Variants in RANBP10 observed in about 807,000 individuals in gnomAD.
RANBP10 encodes the protein ran-binding protein 10.
Under a neutral mutation model 72.8 loss-of-function variants are expected in RANBP10, and 24 were observed. The ratio of observed to expected loss-of-function variants is 0.33; its 90% CI spans 0.24 to 0.46. The LOEUF is 0.46. Among genes scored for constraint, RANBP10 ranks in the 20% least tolerant of loss-of-function variants. The pLI, the probability that RANBP10 is intolerant of heterozygous loss-of-function variation, is 1.00. For missense variants in RANBP10, 679 were observed against 817.5 expected (o/e 0.83, Z 2.07); for synonymous variants, 310 against 322.3 (o/e 0.96, Z 0.41).
chr16:67,782,385 C>T (rs921628051), intron 2 of RANBP10, among the ~76,000 whole-genome samples: 1 of 152,068 alleles, frequency 6.6e-6, no homozygotes, highest in African/African-American at 2.4e-5. Flanking sequence ...CCTTGGCCTC[C>T]CAAAATGCTT....
At chr16:67,735,080 G>C (rs1222314221) in intron 5 of RANBP10, 38 bp from the exon 6 acceptor site, 1 of 1,536,818 alleles carries the variant, frequency 6.5e-7, no homozygotes, top group African/African-American at 1.4e-5. Flanking sequence ...GGCCCTGAGG[G>C]CAGTGGGGTT....
intron 4 of RANBP10, among the ~76,000 whole-genome samples, chr16:67,742,038 A>G (rs2053979426): frequency 6.6e-6 from 1 of 152,058 alleles, no homozygotes; most frequent in African/African-American, 2.4e-5. Flanking sequence ...ATGTGGAAAA[A>G]ATGGAAAAAT....
At position 67,728,446 on chromosome 16, in the gene RANBP10, C is replaced by G. The variant is rs753021520; in HGVS notation, c.1418G>C (p.Arg473Pro). Residue 473 changes from arginine to proline, a missense_variant, in exon 11 of 14, where the codon CGC (arginine) becomes CCC (proline). Physicochemically the swap from Arg to Pro is moderately radical, Grantham distance 103. Transcript: ENST00000317506. ...PNGVLGSMSTRIVNGAYKHED... is the reference protein window; with the variant it reads ...PNGVLGSMSTPIVNGAYKHED... ...ATGCTTGTAGGCACCATTAACAATGCGTGTGGACATGCTTCCTAGCACACC... is the reference window on the plus strand; with the variant it reads ...ATGCTTGTAGGCACCATTAACAATGGGTGTGGACATGCTTCCTAGCACACC... 6.2e-7 allele frequency: 1 copy of G among 1,614,184 alleles called. No homozygotes were observed.
At chr16:67,747,889 C>T (rs1191412824) in intron 3 of RANBP10, among the ~76,000 whole-genome samples, 3 of 148,220 alleles carry the variant, frequency 2.0e-5, no homozygotes, top group Non-Finnish European at 4.4e-5. Context: ...TGCATGATCT[C>T]GGCTCACGGC....
intron 3 of RANBP10, among the ~76,000 whole-genome samples, chr16:67,752,873 A>T (rs1383793607): frequency 6.6e-6 from 1 of 152,174 alleles, no homozygotes; most frequent in Non-Finnish European, 1.5e-5. Flanking sequence ...TGTGAAAGGA[A>T]TAAAGACAGG....
At chr16:67,751,058 G>A (rs1050074979) in intron 3 of RANBP10, among the ~76,000 whole-genome samples, 2 of 152,136 alleles carry the variant, frequency 1.3e-5, no homozygotes, top group African/African-American at 2.4e-5. Context: ...GAGCCACCAC[G>A]CCCAGCCCCT....
At chr16:67,784,597 G>A (rs567600314) in intron 2 of RANBP10, among the ~76,000 whole-genome samples, 235 of 152,084 alleles carry the variant, frequency 1.5e-3, no homozygotes, top group Non-Finnish European at 2.5e-3. Context: ...TGAAGGTTGC[G>A]GTGAGCCAAG....
intron 13 of RANBP10, among the ~76,000 whole-genome samples, chr16:67,726,980 C>T (rs2053614115): frequency 6.6e-6 from 1 of 152,174 alleles, no homozygotes; most frequent in African/African-American, 2.4e-5. Flanking sequence ...TAGCTATGGG[C>T]TAGCTTCTGT....
intron 2 of RANBP10, among the ~76,000 whole-genome samples, chr16:67,777,879 C>T (rs565335078): frequency 1.2e-4 from 19 of 152,298 alleles, no homozygotes; most frequent in African/African-American, 4.6e-4. Context: ...AATAATAAAT[C>T]AGTTTAAGAC....
At chr16:67,781,463 C>T (rs2054808122) in intron 2 of RANBP10, among the ~76,000 whole-genome samples, 1 of 152,190 alleles carries the variant, frequency 6.6e-6, no homozygotes, top group African/African-American at 2.4e-5. Context: ...GCTCCCAACA[C>T]TTCTCTACCA....
intron 3 of RANBP10, among the ~76,000 whole-genome samples, chr16:67,751,320 T>C (rs1031917034): frequency 6.6e-6 from 1 of 152,198 alleles, no homozygotes; most frequent in Non-Finnish European, 1.5e-5. Context: ...AAATAAACTA[T>C]ATAACTATTT....
chr16:67,767,441 C>T (rs1206601183), intron 3 of RANBP10, among the ~76,000 whole-genome samples: 1 of 128,606 alleles, frequency 7.8e-6, no homozygotes, highest in Non-Finnish European at 1.5e-5. Flanking sequence ...TGGGCAACAG[C>T]GAGACCCTGT....
intron 7 of RANBP10, 116 bp downstream of exon 7, chr16:67,731,356 G>C (rs372414991): frequency 2.5e-6 from 2 of 809,032 alleles, no homozygotes; most frequent in South Asian, 1.6e-5. Flanking sequence ...CTGCAAGCTG[G>C]TCATGAGGAC....
At chr16:67,755,968 G>A (rs371698108) in intron 3 of RANBP10, among the ~76,000 whole-genome samples, 4 of 152,222 alleles carry the variant, frequency 2.6e-5, no homozygotes, top group African/African-American at 9.6e-5. Context: ...GTGATGCAAG[G>A]AGAAACCAAG....
intron 6 of RANBP10, among the ~76,000 whole-genome samples, chr16:67,733,410 TTATTATAA>T (rs1186733839): frequency 1.3e-5 from 2 of 152,128 alleles, no homozygotes; most frequent in Non-Finnish European, 2.9e-5. Context: ...CACCATATTA[TTATTATAA>T]ACACAAGGGT....
intron 1 of RANBP10, 115 bp from the exon 2 acceptor site, chr16:67,805,654 T>G: frequency 1.3e-6 from 1 of 787,344 alleles, no homozygotes; most frequent in Non-Finnish European, 2.1e-6. Context: ...GAGGACGCAC[T>G]TACACAGGCC....
At chr16:67,795,216 G>A (rs2055107529) in intron 2 of RANBP10, among the ~76,000 whole-genome samples, 2 of 151,948 alleles carry the variant, frequency 1.3e-5, no homozygotes, top group Admixed American at 1.3e-4. Context: ...CTGCACTCCA[G>A]CCTGGGCAAC....
chr16:67,731,161 C>G (rs2053722180), intron 7 of RANBP10: 2 of 319,640 alleles, frequency 6.3e-6, no homozygotes, highest in South Asian at 6.0e-5. Context: ...GAGAGGAATC[C>G]AGGATTCAGG....
Position 67,725,972 on chromosome 16 carries a change from T to TTATATA in RANBP10, c.*450_*455dup, listed in dbSNP as rs201086128. Reference sequence around the variant, plus strand: ...GTCTTTTTTTTTAATATATATATTTTTATATATATATATATAATCTCATTT... The same window carrying TTATATA: ...GTCTTTTTTTTTAATATATATATTTTTATATATATATATATATATATAATCTCATTT... On this transcript the variant is annotated 3_prime_UTR_variant, in exon 14 of 14. Transcript: ENST00000317506. The TTATATA allele has an allele frequency of 6.8e-6, 1 of 147,344 alleles. No individual in the cohort carries two copies. Among genetic ancestry groups the TTATATA allele is most frequent in the Non-Finnish European group, 1.5e-5 (1 of 66,720 alleles). The allele number at this position is 147,344 out of a possible 1,614,324, so 9.1% of individuals were successfully genotyped here. A position where few individuals can be genotyped will look rare whatever the true frequency, so the allele number is the denominator to read the frequency against.
Sources: gnomAD v4.1 joint callset for allele counts (sites outside exome capture counted in the v4.1 genomes callset) on GRCh38, gnomAD v4.1.1 for gene constraint, MANE v1.5 for transcripts, NCBI Gene and HGNC (gene_info 2026-07-23, HGNC 2026-07-21) for gene names.